The following NAT10 variants were observed in gnomAD, a reference collection of about 807,000 sequenced individuals.
NAT10 encodes RNA cytidine acetyltransferase.
NAT10 carries 109 observed loss-of-function variants against 132.2 expected under a neutral mutation model. That is an observed-to-expected ratio of 0.82 (90% CI 0.71 to 0.97). NAT10 has a LOEUF of 0.97. Among genes scored for constraint, NAT10 ranks in the 50% least tolerant of loss-of-function variants. NAT10 has a pLI of 0.00. For missense variants in NAT10, 1,184 were observed against 1,263.4 expected, an observed-to-expected ratio of 0.94 and a Z score of 0.95; for synonymous variants, 479 against 478.0, an observed-to-expected ratio of 1.00 and a Z score of -0.03.
chr11:34,135,077 AG>A, intron 18 of NAT10, 97 bp from the exon 19 acceptor site: 1 of 898,094 alleles, frequency 1.1e-6, no homozygotes, highest in Non-Finnish European at 1.8e-6. Context: ...TTTGACAGGG[AG>A]GGAAGGTTCT....
rs1851825004 is a variant in NAT10, at chr11:34,118,506, G to A, written c.780+3G>A. On this transcript the variant is annotated splice_donor_region_variant and intron_variant, in intron 8 of 28. Transcript: ENST00000257829. ...ACTGCTGTAAGACTCTAGACCAGGTGAGTGTGGTGCTCAGCACTTCCAACA... is the reference window on the plus strand; with the variant it reads ...ACTGCTGTAAGACTCTAGACCAGGTAAGTGTGGTGCTCAGCACTTCCAACA... 1 of 1,611,146 alleles carries A rather than the reference G, an allele frequency of 6.2e-7. No individual in the cohort carries two copies.
At chr11:34,115,763 A>G (rs1262930319) in intron 5 of NAT10, 60 bp from the exon 6 acceptor site, 1 of 1,564,028 alleles carries the variant, frequency 6.4e-7, no homozygotes, top group Non-Finnish European at 8.8e-7. Flanking sequence ...TTGTATTTGG[A>G]CCCTGGTCCT....
In NAT10 at chr11:34,113,757, A is replaced by G; in HGVS notation, c.414A>G (p.Val138=). 1 of 1,613,608 alleles carries G rather than the reference A, an allele frequency of 6.2e-7. No individual in the cohort carries two copies. Among genetic ancestry groups the G allele is most frequent in the Non-Finnish European group, 8.5e-7 (1 of 1,179,904 alleles). Residue 138 remains valine (V), a synonymous_variant, in exon 5 of 29, where the codon GTA becomes GTG. Transcript: ENST00000257829. ...ALTPNLLART[V]ETVEGGGLVV... ...CTCCAAACTTGCTGGCCAGGACTGTAGAAACAGTGGAAGGTGGTGGGCTAG... is the reference window on the plus strand; with the variant it reads ...CTCCAAACTTGCTGGCCAGGACTGTGGAAACAGTGGAAGGTGGTGGGCTAG...
Position 34,143,397 on chromosome 11 carries a change from T to G in NAT10, c.2886-48T>G, listed in dbSNP as rs557662845. On this transcript the variant is annotated intron_variant, in intron 27 of 28. Transcript: ENST00000257829. Reference sequence around the variant, plus strand: ...ACTGTCGTTATTTTCTCTTAAGCAGTCCCCTCTTCTTTCTAGCAGGCTTTG... The same window carrying G: ...ACTGTCGTTATTTTCTCTTAAGCAGGCCCCTCTTCTTTCTAGCAGGCTTTG... The G allele has an allele frequency of 1.3e-5, 19 of 1,503,898 alleles. No homozygotes were observed. In the South Asian group the frequency reaches 2.2e-4, roughly 18 times the overall value. 93.2% of individuals were successfully genotyped at this position (1,503,898 alleles called of 1,614,324 possible).
In NAT10 at chr11:34,134,304, C is replaced by T. The variant is rs753548450; in HGVS notation, c.1735-15C>T. On this transcript the variant is annotated splice_polypyrimidine_tract_variant and intron_variant, in intron 16 of 28. Transcript: ENST00000257829. ...AGTTGGCCTTTCTGCCTGCACTGTC[C>T]TGCTTCCCCCACAGGTGTGCCTTGA... 6.2e-7 allele frequency: 1 copy of T among 1,611,504 alleles called. No individual in the cohort carries two copies. Among genetic ancestry groups the T allele is most frequent in the Admixed American group, 1.7e-5 (1 of 60,030 alleles).
At chr11:34,128,350 T>G (rs1013430710) in intron 12 of NAT10, among the ~76,000 whole-genome samples, 2 of 135,590 alleles carry the variant, frequency 1.5e-5, no homozygotes, top group Non-Finnish European at 3.1e-5. Context: ...CGAGACTGTC[T>G]CAAAAACAAA....
intron 28 of NAT10, among the ~76,000 whole-genome samples, chr11:34,144,044 T>C (rs1358284187): frequency 6.6e-6 from 1 of 152,224 alleles, no homozygotes; most frequent in Non-Finnish European, 1.5e-5. Flanking sequence ...AGCCAGCAGT[T>C]CTCAAGGTTT....
At chr11:34,142,536 C>T (rs16925219) in intron 27 of NAT10, among the ~76,000 whole-genome samples, 188 bp downstream of exon 27, 13,168 of 152,128 alleles carry the variant, frequency 0.087, 588 homozygotes, top group African/African-American at 0.097. Context: ...AGTTGGGTTC[C>T]GGAGACTAGT....
In NAT10 at chr11:34,137,014, G is replaced by A. The variant is rs2132975427; in HGVS notation, c.2199G>A (p.Leu733=). 6.2e-7 allele frequency: 1 copy of A among 1,614,204 alleles called. No homozygotes were observed. Among genetic ancestry groups the A allele is most frequent in the Non-Finnish European group, 8.5e-7 (1 of 1,180,046 alleles). Residue 733 remains leucine (L), a synonymous_variant, in exon 21 of 29, where the codon CTG becomes CTA. Coordinates refer to ENST00000257829, the MANE Select transcript of NAT10 (RefSeq NM_024662.3). ...GAGCTGGATTTGTTCCTGTTTATCT[G>A]AGACAGACCCCGGTGAGTGAGGCAT... ...WKRAGFVPVY[L]RQTPNDLTGE...
At chr11:34,123,129 C>T (rs529104964) in intron 9 of NAT10, among the ~76,000 whole-genome samples, 4 of 152,270 alleles carry the variant, frequency 2.6e-5, no homozygotes, top group Non-Finnish European at 4.4e-5. Flanking sequence ...ACTGTGTTTG[C>T]CTTTGTGCAT....
At chr11:34,132,475 A>T (rs1852123347) in intron 15 of NAT10, among the ~76,000 whole-genome samples, 1 of 148,878 alleles carries the variant, frequency 6.7e-6, no homozygotes, top group Admixed American at 6.7e-5. Flanking sequence ...AACTGATAGG[A>T]TGAGGTGACA....
At chr11:34,122,334 G>C in intron 8 of NAT10, 125 bp from the exon 9 acceptor site, 1 of 1,239,852 alleles carries the variant, frequency 8.1e-7, no homozygotes, top group Non-Finnish European at 1.2e-6. Context: ...GTGCTTTCTG[G>C]CCTGCAAGAA....
intron 11 of NAT10, among the ~76,000 whole-genome samples, chr11:34,124,818 T>C (rs1316535137): frequency 2.9e-4 from 44 of 152,256 alleles, no homozygotes; most frequent in Admixed American, 2.8e-3. Context: ...CTTTGTGGTT[T>C]AGCCAGTGGC....
At chr11:34,118,587 C>G (rs1851827485) in intron 8 of NAT10, 84 bp downstream of exon 8, 3 of 1,089,374 alleles carry the variant, frequency 2.8e-6, no homozygotes, top group Non-Finnish European at 3.9e-6. Context: ...TACGTTGACT[C>G]AAGACCCAGA....
At chr11:34,114,690 C>T (rs891605447) in intron 5 of NAT10, among the ~76,000 whole-genome samples, 1 of 152,212 alleles carries the variant, frequency 6.6e-6, no homozygotes, top group African/African-American at 2.4e-5. Context: ...TCATTGCATT[C>T]AAGCCCCTGC....
Position 34,139,419 on chromosome 11 carries a change from C to A in NAT10, c.2343C>A (p.Tyr781Ter), listed in dbSNP as rs759471990. ...GGCGGTTCCTAGCCTTGCTCTCCTA[C>A]CAGTTCAGTACCTTCTCTCCTTCCC... is the stretch of plus-strand genomic sequence containing the variant. ...FRRRFLALLS[Y>*]QFSTFSPSLA... The change falls in exon 23 of 29, where the codon TAC becomes TAA. Residue 781 changes from tyrosine to a stop codon, truncating the protein, a stop_gained. Transcript: ENST00000257829. LOFTEE classifies it high-confidence loss of function. The A allele has an allele frequency of 5.6e-6, 9 of 1,614,164 alleles. No individual in the cohort carries two copies. The highest frequency in any genetic ancestry group is 7.6e-6 in the Non-Finnish European group (9 of 1,180,038).
In NAT10 at chr11:34,105,756, T is replaced by G. The variant is rs115512014; in HGVS notation, c.-52T>G. 661 of 152,458 alleles carry G rather than the reference T, an allele frequency of 4.3e-3. 3 individuals carry two copies. Among genetic ancestry groups the G allele is most frequent in the African/African-American group, 0.015 (639 of 41,558 alleles). The allele number at this position is 152,458 out of a possible 1,614,324, so 9.4% of individuals were successfully genotyped here. On this transcript the variant is annotated 5_prime_UTR_variant, in exon 1 of 29. Coordinates refer to ENST00000257829, the MANE Select transcript of NAT10 (RefSeq NM_024662.3). The stretch of plus-strand genomic sequence containing the variant: ...TTCCGTGCTCCCACGTGCTTCCCCT[T>G]CTCCACTGGCTGGGATCCCCCGGGC...
intron 27 of NAT10, 133 bp downstream of exon 27, chr11:34,142,481 A>G (rs1175965947): frequency 1.9e-5 from 14 of 746,586 alleles, no homozygotes; most frequent in Non-Finnish European, 3.1e-5. Flanking sequence ...GGATGCTAAC[A>G]GTTCTATTTG....
At position 34,132,193 on chromosome 11, in the gene NAT10, T is replaced by C; in HGVS notation, c.1589T>C (p.Met530Thr). ...KASEVFLQRLMALYVASHYKN... is the reference protein window; with the variant it reads ...KASEVFLQRLTALYVASHYKN... ...TCTGAAGTTTTCCTCCAACGGCTTA[T>C]GGCCCTCTACGTGGCTTCTCACTAC... Residue 530 changes from methionine (M) to threonine (T), a missense_variant, in exon 15 of 29, where the codon ATG becomes ACG. By Grantham distance (81) the Met-to-Thr change is moderately conservative (BLOSUM62 -1). Coordinates refer to ENST00000257829, the MANE Select transcript of NAT10 (RefSeq NM_024662.3). The C allele has an allele frequency of 6.2e-7, 1 of 1,614,190 alleles. No individual in the cohort carries two copies. The highest frequency in any genetic ancestry group is 1.1e-5 in the South Asian group (1 of 91,090).
Sources: gnomAD v4.1 joint callset for allele counts (sites outside exome capture counted in the v4.1 genomes callset) on GRCh38, gnomAD v4.1.1 for gene constraint, MANE v1.5 for transcripts, NCBI Gene and HGNC (gene_info 2026-07-23, HGNC 2026-07-21) for gene names.